Variants in ZNF723 observed in about 807,000 individuals in gnomAD.
ZNF723 encodes zinc finger protein 723, pseudogene.
Under a neutral mutation model 9.4 loss-of-function variants are expected in ZNF723, and 5 were observed. That is an observed-to-expected ratio of 0.53 (90% CI 0.28 to 1.12). ZNF723 has a LOEUF of 1.12. Among genes scored for constraint, ZNF723 ranks in the 50% most tolerant of loss-of-function variants. The probability of loss-of-function intolerance (pLI) is 0.10; values close to 1 mark genes in which losing one functional copy is unlikely to be tolerated. For missense variants in ZNF723, 450 were observed against 501.5 expected (o/e 0.90, Z 0.98); for synonymous variants, 158 against 168.8 (o/e 0.94, Z 0.49).
chr19:22,835,722 G>A (rs556772213), intron 1 of ZNF723, among the ~76,000 whole-genome samples: 2 of 152,242 alleles, frequency 1.3e-5, no homozygotes, highest in African/African-American at 2.4e-5. Context: ...TAATTGGTGA[G>A]TTGCATAGAT....
the ZNF723 span, among the ~76,000 whole-genome samples, chr19:22,813,077 G>A: frequency 1.3e-5 from 2 of 151,986 alleles, no homozygotes; most frequent in South Asian, 2.1e-4. Context: ...GGGTTCAAGC[G>A]ATTCTCTTGC....
upstream of ZNF723, among the ~76,000 whole-genome samples, chr19:22,832,156 G>C (rs1258585586): frequency 2.0e-5 from 3 of 152,158 alleles, no homozygotes; most frequent in Admixed American, 2.0e-4. Context: ...CCCAGCATCT[G>C]ATCACATCTT....
chr19:22,820,717 T>G, the ZNF723 span, among the ~76,000 whole-genome samples: 56,063 of 151,780 alleles, frequency 0.37, 10,762 homozygotes, highest in African/African-American at 0.5. Context: ...TAAAGCAGTT[T>G]GATGGGACAG....
At chr19:22,822,328 G>C in the ZNF723 span, among the ~76,000 whole-genome samples, 10 of 152,260 alleles carry the variant, frequency 6.6e-5, no homozygotes, top group South Asian at 8.3e-4. Context: ...TGTAAATCTG[G>C]GAACAGGTTG....
chr19:22,820,478 C>G, the ZNF723 span, among the ~76,000 whole-genome samples: 2 of 152,018 alleles, frequency 1.3e-5, no homozygotes, highest in Admixed American at 6.6e-5. Context: ...TAATATATTC[C>G]TGACTCAAGA....
chr19:22,851,378 G>A (rs1052427619), intron 3 of ZNF723, among the ~76,000 whole-genome samples: 4 of 152,006 alleles, frequency 2.6e-5, no homozygotes, highest in Admixed American at 1.3e-4. Flanking sequence ...CAGCATGTTG[G>A]TGAGGCTGGT....
intron 1 of ZNF723, among the ~76,000 whole-genome samples, chr19:22,846,755 A>G (rs999367164): frequency 4.7e-5 from 7 of 149,500 alleles, no homozygotes; most frequent in Admixed American, 3.3e-4. Flanking sequence ...AAATATCTGT[A>G]TCTTGAATTT....
chr19:22,815,971 C>T, the ZNF723 span, among the ~76,000 whole-genome samples: 46 of 152,334 alleles, frequency 3.0e-4, no homozygotes, highest in Non-Finnish European at 6.0e-4. Context: ...CATATGTGAA[C>T]ACCCAGCTAC....
chr19:22,824,873 A>C, the ZNF723 span, among the ~76,000 whole-genome samples: 24,265 of 152,174 alleles, frequency 0.16, 1,927 homozygotes, highest in Non-Finnish European at 0.18. Context: ...ACCTGGATGC[A>C]GCAAATTAGA....
chr19:22,854,914 G>A (rs1326479983), intron 3 of ZNF723, among the ~76,000 whole-genome samples: 4 of 151,942 alleles, frequency 2.6e-5, no homozygotes, highest in Admixed American at 2.6e-4. Flanking sequence ...AGGCGTGGTG[G>A]CACATGCCTG....
At position 22,832,295 on chromosome 19, in the gene ZNF723, T is replaced by C; in HGVS notation, c.-85T>C. Reference sequence around the variant, plus strand: ...GCTTCCGGGATTTGGCGCGGCCTTTTGAGTTCCTGGTCTCTGTGGCCTCCT... The same window carrying C: ...GCTTCCGGGATTTGGCGCGGCCTTTCGAGTTCCTGGTCTCTGTGGCCTCCT... On this transcript the variant is annotated 5_prime_UTR_variant, in exon 1 of 4. Coordinates refer to ENST00000600766, the MANE Select transcript of ZNF723 (RefSeq NM_001349726.2). 1 of 1,267,446 alleles carries C rather than the reference T, an allele frequency of 7.9e-7. No individual in the cohort carries two copies. The highest frequency in any genetic ancestry group is 2.9e-5 in the East Asian group (1 of 34,074). 78.5% of individuals were successfully genotyped at this position (1,267,446 alleles called of 1,614,324 possible). A position where few individuals can be genotyped will look rare whatever the true frequency, so the allele number is the denominator to read the frequency against.
chr19:22,845,045 G>A (rs1395519614), intron 1 of ZNF723, among the ~76,000 whole-genome samples: 1 of 152,174 alleles, frequency 6.6e-6, no homozygotes, highest in Non-Finnish European at 1.5e-5. Context: ...CATGAACCCG[G>A]GAGGCGGAGG....
chr19:22,832,152 A>G (rs561952009), upstream of ZNF723, among the ~76,000 whole-genome samples: 5 of 152,146 alleles, frequency 3.3e-5, no homozygotes, highest in East Asian at 1.9e-4. Context: ...TGAACCCAGC[A>G]TCTGATCACA....
chr19:22,844,183 T>G (rs1035621118), intron 1 of ZNF723, among the ~76,000 whole-genome samples: 2 of 152,204 alleles, frequency 1.3e-5, no homozygotes, highest in African/African-American at 4.8e-5. Context: ...TATTTTAATG[T>G]CTTAATTTTT....
chr19:22,839,328 G>A (rs1967209051), intron 1 of ZNF723, among the ~76,000 whole-genome samples: 1 of 152,116 alleles, frequency 6.6e-6, no homozygotes, highest in African/African-American at 2.4e-5. Context: ...AGGGTGCTGG[G>A]TCAAATGCTA....
chr19:22,823,403 G>A, the ZNF723 span, among the ~76,000 whole-genome samples: 4 of 152,166 alleles, frequency 2.6e-5, no homozygotes, highest in African/African-American at 7.2e-5. Flanking sequence ...GTCCACAGAC[G>A]AGATAGTGAA....
chr19:22,822,570 T>C, the ZNF723 span, among the ~76,000 whole-genome samples: 1 of 152,134 alleles, frequency 6.6e-6, no homozygotes, highest in East Asian at 1.9e-4. Context: ...ACAGTTAAAA[T>C]TGTGATTCTC....
At chr19:22,814,782 T>C in the ZNF723 span, among the ~76,000 whole-genome samples, 2 of 152,090 alleles carry the variant, frequency 1.3e-5, no homozygotes, top group Non-Finnish European at 2.9e-5. Context: ...ACAGATGGAA[T>C]TGTGGCATAT....
intron 2 of ZNF723, among the ~76,000 whole-genome samples, chr19:22,848,850 G>C (rs924747315): frequency 1.3e-5 from 2 of 151,820 alleles, no homozygotes; most frequent in African/African-American, 4.8e-5. Context: ...CACCTCCCAG[G>C]TTCAAGAGAT....
Sources: gnomAD v4.1 joint callset for allele counts (sites outside exome capture counted in the v4.1 genomes callset) on GRCh38, gnomAD v4.1.1 for gene constraint, MANE v1.5 for transcripts, NCBI Gene and HGNC (gene_info 2026-07-23, HGNC 2026-07-21) for gene names.